FBXW8: variants seen among roughly 807,000 people sequenced by gnomAD.
FBXW8 encodes F-box and WD repeat domain containing 8.
Under a neutral mutation model 65.3 loss-of-function variants are expected in FBXW8, and 57 were observed. The ratio of observed to expected loss-of-function variants is 0.87; its 90% CI spans 0.71 to 1.09. FBXW8 has a LOEUF of 1.09. Ranked by LOEUF, FBXW8 falls within the 50% of genes least tolerant of loss-of-function variation. FBXW8 has a pLI of 0.00. For missense variants in FBXW8, 777 were observed against 814.8 expected (o/e 0.95, Z 0.57); for synonymous variants, 308 against 330.2 (o/e 0.93, Z 0.73).
intron 4 of FBXW8, among the ~76,000 whole-genome samples, chr12:116,955,887 G>A (rs1023031035): frequency 6.6e-6 from 1 of 152,162 alleles, no homozygotes; most frequent in Non-Finnish European, 1.5e-5. Context: ...AGTGAAGAGT[G>A]CATCTCAGGT....
intron 2 of FBXW8, among the ~76,000 whole-genome samples, chr12:116,940,698 C>T (rs1420526528): frequency 6.6e-6 from 1 of 151,932 alleles, no homozygotes; most frequent in African/African-American, 2.4e-5. Context: ...TTTTCATTTC[C>T]CTTAAATATT....
chr12:116,957,220 A>G (rs948123306), intron 4 of FBXW8, among the ~76,000 whole-genome samples: 25 of 150,366 alleles, frequency 1.7e-4, no homozygotes, highest in African/African-American at 6.1e-4. Context: ...GGTGGTGCAC[A>G]CCTGTAATCT....
At chr12:116,940,901 T>C (rs1332339662) in intron 2 of FBXW8, among the ~76,000 whole-genome samples, 1 of 152,136 alleles carries the variant, frequency 6.6e-6, no homozygotes, top group Non-Finnish European at 1.5e-5. Context: ...TACAAATGTT[T>C]TAGGGTGCAT....
At chr12:116,996,214 G>A (rs1467498242) in intron 7 of FBXW8, among the ~76,000 whole-genome samples, 1 of 152,228 alleles carries the variant, frequency 6.6e-6, no homozygotes, top group Non-Finnish European at 1.5e-5. Context: ...GGAGCTGTGA[G>A]TGAAGTAATC....
Position 116,931,747 on chromosome 12 carries a change from C to T in FBXW8, c.423+3620C>T, listed in dbSNP as rs1881788112. On this transcript the variant is annotated intron_variant, in intron 2 of 10. Transcript: ENST00000652555. The stretch of plus-strand genomic sequence containing the variant: ...CATAACTGAATTTGTTTATTAGTTT[C>T]TTGGTGGAGTATTTAGGGTTTCCTA... 1.3e-5 allele frequency among the ~76,000 whole-genome samples: 2 copies of T among 151,614 alleles called. 1 individual carries two copies. The highest frequency in any genetic ancestry group is 4.2e-4 in the South Asian group (2 of 4,756).
intron 7 of FBXW8, among the ~76,000 whole-genome samples, chr12:116,991,939 G>A (rs758658293): frequency 1.1e-3 from 164 of 152,174 alleles, no homozygotes; most frequent in Non-Finnish European, 1.9e-3. Context: ...AGCTGCATGA[G>A]CATGGAGTAA....
chr12:117,021,929 C>T (rs1954109828), intron 8 of FBXW8, among the ~76,000 whole-genome samples: 2 of 152,192 alleles, frequency 1.3e-5, no homozygotes, highest in South Asian at 4.1e-4. Context: ...GTTGATTCCC[C>T]TTGTCTGTGG....
intron 1 of FBXW8, among the ~76,000 whole-genome samples, chr12:116,911,903 G>A (rs1879977630): frequency 6.6e-6 from 1 of 152,150 alleles, no homozygotes; most frequent in Admixed American, 6.5e-5. Context: ...AGAAGAGGAG[G>A]AAGAATCTCC....
At chr12:116,939,258 T>C (rs1882393413) in intron 2 of FBXW8, among the ~76,000 whole-genome samples, 1 of 152,198 alleles carries the variant, frequency 6.6e-6, no homozygotes, top group African/African-American at 2.4e-5. Context: ...TTTTGGATTT[T>C]GGATTTGGGG....
chr12:117,024,419 C>G (rs1954178472), intron 9 of FBXW8, 99 bp downstream of exon 9: 1 of 1,417,882 alleles, frequency 7.1e-7, no homozygotes, highest in South Asian at 1.3e-5. Context: ...GCCCCCTACC[C>G]CCCGGCTTCG....
At position 116,985,246 on chromosome 12, in the gene FBXW8, T is replaced by A; in HGVS notation, c.876T>A (p.Pro292=). The A allele has an allele frequency of 1.2e-6, 2 of 1,613,578 alleles. No homozygotes were observed. The highest frequency in any genetic ancestry group is 1.7e-6 in the Non-Finnish European group (2 of 1,179,912). The change falls in exon 6 of 11, where the codon CCT becomes CCA. Residue 292 remains proline, a synonymous_variant. Transcript: ENST00000652555. The stretch of plus-strand genomic sequence containing the variant: ...GGGATTTAAGGACCGGAAAGTACCC[T>A]GTTCATCGTTTTGAGCACGATGCAA... ...NIWDLRTGKY[P]VHRFEHDARI... is the part of the protein sequence containing the mutation.
intron 8 of FBXW8, among the ~76,000 whole-genome samples, chr12:117,020,642 T>C (rs1226526642): frequency 6.6e-6 from 1 of 152,232 alleles, no homozygotes; most frequent in Non-Finnish European, 1.5e-5. Context: ...GACTATACTT[T>C]CATGCTTTTG....
intron 3 of FBXW8, among the ~76,000 whole-genome samples, chr12:116,945,803 G>A (rs1440663065): frequency 6.6e-6 from 1 of 152,210 alleles, no homozygotes; most frequent in Non-Finnish European, 1.5e-5. Context: ...GATTGTTAGG[G>A]TGGTCAGAGG....
intron 4 of FBXW8, among the ~76,000 whole-genome samples, chr12:116,962,021 C>T (rs894477041): frequency 2.5e-4 from 38 of 152,162 alleles, no homozygotes; most frequent in African/African-American, 8.7e-4. Context: ...TATAGTGGTG[C>T]GGGTAGTGGG....
chr12:117,023,495 A>G (rs947718717), intron 8 of FBXW8, among the ~76,000 whole-genome samples: 7 of 152,196 alleles, frequency 4.6e-5, no homozygotes, highest in African/African-American at 1.7e-4. Flanking sequence ...TATCCTCGTG[A>G]AAAATTCCAC....
rs543541650 is a variant in FBXW8, at chr12:117,017,651, T to C, written c.1368-6496T>C. Reference sequence around the variant, plus strand: ...TCATGTATTGATTTCTTTAAAAAAATACTATTTTTAAAATTAATTTGGTCA... The same window carrying C: ...TCATGTATTGATTTCTTTAAAAAAACACTATTTTTAAAATTAATTTGGTCA... On this transcript the variant is annotated intron_variant, in intron 8 of 10. Transcript: ENST00000652555. 1.2e-3 allele frequency among the ~76,000 whole-genome samples: 183 copies of C among 152,318 alleles called. 1 individual carries two copies. Among genetic ancestry groups the C allele is most frequent in the Non-Finnish European group, 1.6e-3 (111 of 68,032 alleles).
At chr12:116,976,025 A>C (rs1884906312) in intron 5 of FBXW8, among the ~76,000 whole-genome samples, 1 of 152,236 alleles carries the variant, frequency 6.6e-6, no homozygotes, top group Non-Finnish European at 1.5e-5. Context: ...GTTATGTAAT[A>C]GGTTAACATT....
At chr12:116,945,260 T>G (rs988993918) in intron 2 of FBXW8, 104 bp from the exon 3 acceptor site, 2 of 1,093,944 alleles carry the variant, frequency 1.8e-6, no homozygotes, top group East Asian at 2.5e-5. Flanking sequence ...CATTTTATAC[T>G]GCCATAAACC....
chr12:117,020,985 AAGTGGAATTGCCGGC>A (rs1395502170), intron 8 of FBXW8, among the ~76,000 whole-genome samples: 1 of 152,166 alleles, frequency 6.6e-6, no homozygotes, highest in African/African-American at 2.4e-5. Flanking sequence ...TACCTCCTCG[AAGTGGAATTGCCGGC>A]TCAGAAGTGA....
Sources: gnomAD v4.1 joint callset for allele counts (sites outside exome capture counted in the v4.1 genomes callset) on GRCh38, gnomAD v4.1.1 for gene constraint, MANE v1.5 for transcripts, NCBI Gene and HGNC (gene_info 2026-07-23, HGNC 2026-07-21) for gene names.